Variants in SEC31B observed in about 807,000 individuals in gnomAD.
The protein encoded by SEC31B is SEC31 homolog B, COPII component.
Under a neutral mutation model 135.0 loss-of-function variants are expected in SEC31B, and 113 were observed. That is an observed-to-expected ratio of 0.84 (90% CI 0.72 to 0.98). The LOEUF (loss-of-function observed/expected upper bound fraction) is 0.98. SEC31B is among the 50% of genes least tolerant of loss of function. The probability of loss-of-function intolerance (pLI) is 0.00; values close to 1 mark genes in which losing one functional copy is unlikely to be tolerated. For missense variants in SEC31B, 1,296 were observed against 1,421.1 expected (o/e 0.91, Z 1.42); for synonymous variants, 508 against 549.4 (o/e 0.92, Z 1.05).
At chr10:100,492,971 G>A (rs559995589) in intron 19 of SEC31B, among the ~76,000 whole-genome samples, 1 of 152,224 alleles carries the variant, frequency 6.6e-6, no homozygotes, top group African/African-American at 2.4e-5. Context: ...ACTGAACCTA[G>A]TAAAGATGTC....
At chr10:100,488,209 C>A (rs1295290566) in intron 24 of SEC31B, 111 bp from the exon 25 acceptor site, 8 of 987,642 alleles carry the variant, frequency 8.1e-6, no homozygotes, top group Non-Finnish European at 1.1e-5. Context: ...CCTGTAATCC[C>A]AGCACCTTGG....
At position 100,495,532 on chromosome 10, in the gene SEC31B, C is replaced by G. The variant is rs1303685769; in HGVS notation, c.2325G>C (p.Gln775His). Reference protein sequence around the residue: ...PRDCAQPPVQQLRDRLFHAQG... With the variant: ...PRDCAQPPVQHLRDRLFHAQG... Reference sequence around the variant, plus strand: ...GAGCATGAAAAAGCCGATCTCTTAGCTGCTGAACTGGTGGCTATAAGTTTT... The same window carrying G: ...GAGCATGAAAAAGCCGATCTCTTAGGTGCTGAACTGGTGGCTATAAGTTTT... Residue 775 changes from glutamine to histidine, a missense_variant, in exon 19 of 26, where the codon CAG becomes CAC. Coordinates refer to ENST00000370345, the MANE Select transcript of SEC31B (RefSeq NM_015490.4). 6.2e-7 allele frequency: 1 copy of G among 1,613,382 alleles called. No individual in the cohort carries two copies. Among genetic ancestry groups the G allele is most frequent in the Admixed American group, 1.7e-5 (1 of 59,908 alleles).
chr10:100,498,729 G>T lies in SEC31B; in HGVS notation c.1660C>A (p.Pro554Thr). 6.2e-7 allele frequency: 1 copy of T among 1,613,632 alleles called. No homozygotes were observed. The highest frequency in any genetic ancestry group is 1.7e-5 in the Admixed American group (1 of 60,022). ...FDELVPQNMT[P>T]WEIPITKDID... ...CCTTTTGTGATGGGGATCTCCCAAGGAGTCATGTTCTGAGGGACCAGCTCA... is the reference window on the plus strand; with the variant it reads ...CCTTTTGTGATGGGGATCTCCCAAGTAGTCATGTTCTGAGGGACCAGCTCA... Residue 554 changes from proline (P) to threonine (T), a missense_variant, in exon 14 of 26, where the codon CCT becomes ACT. Coordinates refer to ENST00000370345, the MANE Select transcript of SEC31B (RefSeq NM_015490.4).
At position 100,499,625 on chromosome 10, in the gene SEC31B, A is replaced by G. The variant is rs760563295; in HGVS notation, c.1411-27T>C. 3 of 1,508,006 alleles carry G rather than the reference A, an allele frequency of 2.0e-6. No homozygotes were observed. In the South Asian group the frequency reaches 3.5e-5, roughly 18 times the overall value. The allele number at this position is 1,508,006 out of a possible 1,614,324, so 93.4% of individuals were successfully genotyped here. On this transcript the variant is annotated intron_variant, in intron 11 of 25. Transcript: ENST00000370345. ...TAAGAAACCACAGAACACAGAAAAG[A>G]TTCCATTAAATGAACATAAATGACG... is the stretch of plus-strand genomic sequence containing the variant.
At chr10:100,515,428 T>A (rs1851812598) in intron 3 of SEC31B, among the ~76,000 whole-genome samples, 1 of 152,220 alleles carries the variant, frequency 6.6e-6, no homozygotes, top group African/African-American at 2.4e-5. Flanking sequence ...AGCCTCAACT[T>A]TACAAGACCT....
At position 100,498,013 on chromosome 10, in the gene SEC31B, C is replaced by A. The variant is rs1368509601; in HGVS notation, c.1863+16G>T. 6.2e-7 allele frequency: 1 copy of A among 1,613,760 alleles called. No homozygotes were observed. The highest frequency in any genetic ancestry group is 1.1e-5 in the South Asian group (1 of 91,022). The stretch of plus-strand genomic sequence containing the variant: ...AGTAATCCCCTCCCTTCTTCTCCTG[C>A]ATGATGGGCAGTTACCGAGGAGATT... On this transcript the variant is annotated intron_variant, in intron 15 of 25. Coordinates refer to ENST00000370345, the MANE Select transcript of SEC31B (RefSeq NM_015490.4).
chr10:100,515,918 G>C (rs60414521), intron 3 of SEC31B, among the ~76,000 whole-genome samples, 178 bp downstream of exon 3: 2,609 of 152,124 alleles, frequency 0.017, 77 homozygotes, highest in African/African-American at 0.059. Context: ...CTGGAAAGGG[G>C]GGGGGTGGTT....
chr10:100,491,155 C>A (rs1851294128), intron 19 of SEC31B, among the ~76,000 whole-genome samples: 1 of 152,238 alleles, frequency 6.6e-6, no homozygotes, highest in Middle Eastern at 3.4e-3. Flanking sequence ...ATAAATCTGA[C>A]AACTTATCAG....
chr10:100,493,516 G>C (rs1851344767), intron 19 of SEC31B, among the ~76,000 whole-genome samples: 1 of 152,112 alleles, frequency 6.6e-6, no homozygotes, highest in African/African-American at 2.4e-5. Context: ...ATCTCAAAAG[G>C]ATACATATTG....
At chr10:100,509,271 G>A (rs765223546) in intron 4 of SEC31B, 45 bp downstream of exon 4, 2 of 1,582,642 alleles carry the variant, frequency 1.3e-6, no homozygotes, top group African/African-American at 1.3e-5. Context: ...ACTCAGATCT[G>A]TTGCTCCCTG....
At chr10:100,515,673 G>C (rs1324404500) in intron 3 of SEC31B, among the ~76,000 whole-genome samples, 1 of 152,218 alleles carries the variant, frequency 6.6e-6, no homozygotes, top group Admixed American at 6.5e-5. Context: ...GCCTGCAAGA[G>C]CCATGAAATC....
At chr10:100,499,284 G>A (rs550571995) in intron 12 of SEC31B, 26 bp from the exon 13 acceptor site, 123 of 1,542,742 alleles carry the variant, frequency 8.0e-5, no homozygotes, top group South Asian at 5.3e-4. Context: ...TCTGAAAACC[G>A]CTCTTTCAAG....
At chr10:100,498,255 C>A (rs772001225) in intron 14 of SEC31B, 48 bp from the exon 15 acceptor site, 2 of 1,594,624 alleles carry the variant, frequency 1.3e-6, no homozygotes, top group Non-Finnish European at 8.6e-7. Context: ...CAAACCCCAA[C>A]TTCCTGCCCC....
At chr10:100,508,530 TGACA>T (rs1476804984) in intron 5 of SEC31B, 1 of 463,476 alleles carries the variant, frequency 2.2e-6, no homozygotes. Context: ...AGTTACAGAT[TGACA>T]GACAGCCTCT....
chr10:100,491,497 C>A (rs1851299063), intron 19 of SEC31B, among the ~76,000 whole-genome samples: 1 of 152,142 alleles, frequency 6.6e-6, no homozygotes, highest in Non-Finnish European at 1.5e-5. Context: ...AAATCCTCAA[C>A]AAAATTTTAG....
At chr10:100,497,994 C>T in intron 15 of SEC31B, 35 bp downstream of exon 15, 3 of 1,611,456 alleles carry the variant, frequency 1.9e-6, no homozygotes, top group Non-Finnish European at 1.7e-6. Flanking sequence ...TCCAAGTAAT[C>T]CCCTCCCTTC....
rs1851219556 is a variant in SEC31B at position 100,488,161 on chromosome 10, A to G, written c.3289-63T>C. 6.9e-6 allele frequency: 10 copies of G among 1,452,546 alleles called. No homozygotes were observed. In the Admixed American group the frequency reaches 1.5e-4, roughly 22 times the overall value. 90.0% of individuals were successfully genotyped at this position (1,452,546 alleles called of 1,614,324 possible). A position where few individuals can be genotyped will look rare whatever the true frequency, so the allele number is the denominator to read the frequency against. ...AGTCTAACACCACACAGGGCCATAA[A>G]GAATCACAGCATATTAGGCCGGGCA... is the stretch of plus-strand genomic sequence containing the variant. On this transcript the variant is annotated intron_variant, in intron 24 of 25. Coordinates refer to ENST00000370345, the MANE Select transcript of SEC31B (RefSeq NM_015490.4).
intron 10 of SEC31B, among the ~76,000 whole-genome samples, chr10:100,503,434 C>CT (rs113897653): frequency 1.9e-3 from 273 of 142,392 alleles, no homozygotes; most frequent in Middle Eastern, 7.3e-3. Flanking sequence ...AGGCTGACAA[C>CT]TTTTTTTTTT....
chr10:100,505,877 C>T (rs1589737648), intron 9 of SEC31B, 163 bp downstream of exon 9: 1 of 1,503,474 alleles, frequency 6.7e-7, no homozygotes, highest in East Asian at 2.3e-5. Flanking sequence ...CAGAAACTAA[C>T]ATCCTTTCAG....
Sources: gnomAD v4.1 joint callset for allele counts (sites outside exome capture counted in the v4.1 genomes callset) on GRCh38, gnomAD v4.1.1 for gene constraint, MANE v1.5 for transcripts, NCBI Gene and HGNC (gene_info 2026-07-23, HGNC 2026-07-21) for gene names.